The following KCNN2 variants were observed in gnomAD, a reference collection of about 807,000 sequenced individuals.
KCNN2 encodes the protein small conductance calcium-activated potassium channel protein 2.
Under a neutral mutation model 55.5 loss-of-function variants are expected in KCNN2, and 24 were observed. That is an observed-to-expected ratio of 0.43 (90% confidence interval 0.31 to 0.61). KCNN2 has a LOEUF of 0.61. Ranked by LOEUF, KCNN2 falls within the 20% of genes least tolerant of loss-of-function variation. KCNN2 has a pLI of 0.08. For missense variants in KCNN2, 754 were observed against 853.6 expected (o/e 0.88, Z 1.45); for synonymous variants, 431 against 336.1 (o/e 1.28, Z -3.09).
At chr5:114,405,989 C>T (rs547301184) in intron 3 of KCNN2, among the ~76,000 whole-genome samples, 68 of 151,102 alleles carry the variant, frequency 4.5e-4, no homozygotes, top group African/African-American at 1.5e-3. Context: ...GGATTACAGG[C>T]GTGAGCCACC....
At position 114,108,370 on chromosome 5, in the gene KCNN2, G is replaced by A. The variant is rs538939933; in HGVS notation, c.-271+51870G>A. On this transcript the variant is annotated intron_variant, in intron 1 of 10. Coordinates refer to the KCNN2 transcript ENST00000512097. The stretch of plus-strand genomic sequence containing the variant: ...TTATATTTATAAAATTGTTCACAGT[G>A]TCTCTAGTCTTTTTTTAATTGAGGC... Among the ~76,000 whole-genome samples, 8 of 152,048 alleles carry A rather than the reference G, an allele frequency of 5.3e-5. No individual in the cohort carries two copies. In the South Asian group the frequency reaches 1.7e-3, roughly 32 times the overall value.
chr5:114,475,116 A>G (rs1761910449), intron 5 of KCNN2, among the ~76,000 whole-genome samples: 1 of 152,178 alleles, frequency 6.6e-6, no homozygotes, highest in Non-Finnish European at 1.5e-5. Context: ...TGAGTACAAA[A>G]TTTACAGTAT....
intron 5 of KCNN2, among the ~76,000 whole-genome samples, chr5:114,481,499 A>T (rs534767798): frequency 3.9e-5 from 6 of 152,338 alleles, no homozygotes; most frequent in Non-Finnish European, 7.3e-5. Flanking sequence ...TGCTATTCCC[A>T]TTAAACTACC....
chr5:114,121,901 T>A (rs1330646934), intron 1 of KCNN2, among the ~76,000 whole-genome samples: 1 of 152,222 alleles, frequency 6.6e-6, no homozygotes, highest in Non-Finnish European at 1.5e-5. Flanking sequence ...ACTTTAATAA[T>A]GCCAGGATTA....
intron 1 of KCNN2, 145 bp downstream of exon 1, chr5:114,363,406 C>A: frequency 9.6e-7 from 1 of 1,041,744 alleles, no homozygotes; most frequent in Non-Finnish European, 1.3e-6. Flanking sequence ...GCGTCTAGGA[C>A]GCGCATCCGT....
intron 2 of KCNN2, among the ~76,000 whole-genome samples, chr5:114,261,419 G>A (rs1755105894): frequency 6.6e-6 from 1 of 152,100 alleles, no homozygotes; most frequent in Admixed American, 6.6e-5. Flanking sequence ...CAGGCACTGG[G>A]CACAGGATTC....
At chr5:114,209,328 G>T (rs1753833124) in intron 1 of KCNN2, among the ~76,000 whole-genome samples, 1 of 151,848 alleles carries the variant, frequency 6.6e-6, no homozygotes, top group African/African-American at 2.4e-5. Context: ...TCCTCTGCTT[G>T]CTCCTTAAAT....
At chr5:114,217,447 A>C (rs868507315) in intron 1 of KCNN2, among the ~76,000 whole-genome samples, 1 of 152,150 alleles carries the variant, frequency 6.6e-6, no homozygotes, top group Non-Finnish European at 1.5e-5. Context: ...AAATCGCCAC[A>C]TAAATGTAGT....
chr5:114,099,484 A>G (rs1187688793), intron 1 of KCNN2, among the ~76,000 whole-genome samples: 1 of 152,138 alleles, frequency 6.6e-6, no homozygotes, highest in African/African-American at 2.4e-5. Context: ...TTTTCTTGAA[A>G]AGACAGGATC....
At chr5:114,368,183 T>A (rs1317686039) in intron 2 of KCNN2, among the ~76,000 whole-genome samples, 1 of 152,180 alleles carries the variant, frequency 6.6e-6, no homozygotes, top group African/African-American at 2.4e-5. Flanking sequence ...TGCAAAGTGC[T>A]GAAAATCTTA....
At chr5:114,188,826 G>A (rs1298019652) in intron 1 of KCNN2, among the ~76,000 whole-genome samples, 5 of 152,038 alleles carry the variant, frequency 3.3e-5, no homozygotes. Context: ...AGGTGGTGGG[G>A]TATACAACCT....
chr5:114,373,242 A>C (rs78455757), intron 2 of KCNN2, among the ~76,000 whole-genome samples: 1,718 of 152,072 alleles, frequency 0.011, 16 homozygotes, highest in Middle Eastern at 0.024. Context: ...CTACCTTCCT[A>C]ATTCTACATG....
At chr5:114,290,460 T>C (rs1415351652) in intron 2 of KCNN2, among the ~76,000 whole-genome samples, 1 of 152,140 alleles carries the variant, frequency 6.6e-6, no homozygotes, top group African/African-American at 2.4e-5. Context: ...CATTTCTGAA[T>C]TTAGTTATTT....
chr5:114,421,838 G>A lies in KCNN2; in HGVS notation c.1637+16982G>A, dbSNP rs1333584680. On this transcript the variant is annotated intron_variant, in intron 3 of 7. Transcript: ENST00000673685. ...TTGTCCAGGTGGGTCTCGAACTCCT[G>A]ACCTCAGGTTATCCACCCGCCTCGG... Among the ~76,000 whole-genome samples the A allele has an allele frequency of 2.0e-5, 3 of 152,256 alleles. No homozygotes were observed. In the South Asian group the frequency reaches 6.2e-4, roughly 32 times the overall value.
At chr5:114,232,393 A>G (rs935807708) in intron 2 of KCNN2, among the ~76,000 whole-genome samples, 2 of 151,262 alleles carry the variant, frequency 1.3e-5, no homozygotes, top group Non-Finnish European at 2.9e-5. Context: ...AATTATAAAC[A>G]TAACATTAAA....
At chr5:114,491,573 AG>A (rs1747861177) in intron 6 of KCNN2, among the ~76,000 whole-genome samples, 1 of 148,510 alleles carries the variant, frequency 6.7e-6, no homozygotes, top group Non-Finnish European at 1.5e-5. Context: ...ATAAAGACAG[AG>A]TAGGACCAGA....
chr5:114,253,884 CT>C (rs1388243697), intron 2 of KCNN2: 2 of 152,064 alleles, frequency 1.3e-5, no homozygotes, highest in African/African-American at 4.8e-5. Context: ...TATATTAAAT[CT>C]TTATTGAGTC....
chr5:114,481,949 G>T (rs1003696439), intron 5 of KCNN2, among the ~76,000 whole-genome samples: 1 of 152,060 alleles, frequency 6.6e-6, no homozygotes, highest in African/African-American at 2.4e-5. Context: ...AATCTAGGCA[G>T]TACCATTCAG....
At chr5:114,063,198 C>T (rs1321224083) in intron 1 of KCNN2, among the ~76,000 whole-genome samples, 1 of 152,186 alleles carries the variant, frequency 6.6e-6, no homozygotes, top group Non-Finnish European at 1.5e-5. Context: ...CATGCAGCCC[C>T]TCAGACAAAT....
Sources: allele counts gnomAD v4.1 joint callset (sites outside exome capture counted in the v4.1 genomes callset), GRCh38; gene constraint gnomAD v4.1.1; transcripts MANE v1.5; gene names NCBI Gene and HGNC (gene_info 2026-07-23, HGNC 2026-07-21).